ERMP1: variants seen among roughly 807,000 people sequenced by gnomAD.
ERMP1 encodes endoplasmic reticulum metallopeptidase 1.
ERMP1 carries 86 observed loss-of-function variants against 92.0 expected under a neutral mutation model. The ratio of observed to expected loss-of-function variants is 0.93; its 90% CI spans 0.79 to 1.12. The LOEUF is 1.12. Ranked by LOEUF, ERMP1 falls within the 50% of genes most tolerant of loss-of-function variation. The pLI, the probability that ERMP1 is intolerant of heterozygous loss-of-function variation, is 0.00. For synonymous variants in ERMP1, 530 were observed against 412.8 expected, an observed-to-expected ratio of 1.28 and a Z score of -3.44; for missense variants, 1,342 against 1,116.3, an observed-to-expected ratio of 1.20 and a Z score of -2.88.
At chr9:5,795,361 T>C (rs1226501718) in intron 13 of ERMP1, among the ~76,000 whole-genome samples, 2 of 152,162 alleles carry the variant, frequency 1.3e-5, no homozygotes, top group Non-Finnish European at 2.9e-5. Context: ...TCACAACGCC[T>C]TGTCAAAATC....
chr9:5,866,448 G>A (rs563408607), intron 5 of ERMP1, among the ~76,000 whole-genome samples: 1 of 152,292 alleles, frequency 6.6e-6, no homozygotes, highest in African/African-American at 2.4e-5. Flanking sequence ...CAGCCTGGGG[G>A]CTGTGCGAGA....
intron 5 of ERMP1, among the ~76,000 whole-genome samples, chr9:5,863,685 C>A (rs576596841): frequency 6.6e-6 from 1 of 152,266 alleles, no homozygotes; most frequent in East Asian, 1.9e-4. Context: ...CTGGGTGGAG[C>A]TTCTTGGAGC....
At chr9:5,799,460 C>T (rs1045903456) in intron 11 of ERMP1, among the ~76,000 whole-genome samples, 3 of 151,958 alleles carry the variant, frequency 2.0e-5, no homozygotes, top group African/African-American at 4.8e-5. Flanking sequence ...GAAAAGGCAC[C>T]GTGCTCCATT....
intron 13 of ERMP1, among the ~76,000 whole-genome samples, chr9:5,791,033 C>T (rs1014685208): frequency 1.3e-5 from 2 of 152,006 alleles, no homozygotes; most frequent in Non-Finnish European, 2.9e-5. Flanking sequence ...TTTAAAAATA[C>T]TTTTCACTCA....
chr9:5,846,557 T>G (rs567998946), intron 6 of ERMP1, among the ~76,000 whole-genome samples: 4 of 152,352 alleles, frequency 2.6e-5, no homozygotes, highest in African/African-American at 9.6e-5. Flanking sequence ...AGATTCCTCT[T>G]GGGAACCTTG....
intron 5 of ERMP1, 92 bp from the exon 6 acceptor site, chr9:5,812,309 A>G: frequency 4.2e-6 from 3 of 718,356 alleles, no homozygotes; most frequent in South Asian, 3.8e-5. Flanking sequence ...CTAAAAGACA[A>G]AATGTCAAAG....
Position 5,832,621 on chromosome 9 carries a change from G to A in ERMP1, c.338+69C>T, listed in dbSNP as rs925823528. On this transcript the variant is annotated intron_variant, in intron 1 of 14. Coordinates refer to ENST00000339450, the MANE Select transcript of ERMP1 (RefSeq NM_024896.3). ...GGCAGGGGCGGGTGCACACAGGTGC[G>A]GTGCCCCGGAGCCTGCGCAGGAGCC... is the stretch of plus-strand genomic sequence containing the variant. The A allele has an allele frequency of 5.5e-5, 68 of 1,229,270 alleles. No individual in the cohort carries two copies. The African/African-American group carries it at 8.3e-4, about 15-fold the overall frequency. The allele number at this position is 1,229,270 out of a possible 1,614,324, so 76.1% of individuals were successfully genotyped here.
intron 13 of ERMP1, among the ~76,000 whole-genome samples, chr9:5,789,211 G>A (rs1287024598): frequency 6.6e-6 from 1 of 151,264 alleles, no homozygotes; most frequent in Non-Finnish European, 1.5e-5. Context: ...ACAACTTCAA[G>A]ACATAACCTA....
At position 5,805,163 on chromosome 9, in the gene ERMP1, A is replaced by C. The variant is rs769612809; in HGVS notation, c.1778T>G (p.Leu593Arg). 2 of 1,613,516 alleles carry C rather than the reference A, an allele frequency of 1.2e-6. No homozygotes were observed. The highest frequency in any genetic ancestry group is 1.7e-6 in the Non-Finnish European group (2 of 1,179,868). ...FYLLGMFIPY[L>R]YALYLIWAVF... Reference sequence around the variant, plus strand: ...TGCCCAGATGAGGTACAATGCATAAAGATAAGGAATAAACATCCCCAAAAG... The same window carrying C: ...TGCCCAGATGAGGTACAATGCATAACGATAAGGAATAAACATCCCCAAAAG... The change falls in exon 10 of 15, where the codon CTT becomes CGT. Residue 593 changes from leucine to arginine, a missense_variant. Coordinates refer to ENST00000339450, the MANE Select transcript of ERMP1 (RefSeq NM_024896.3).
intron 6 of ERMP1, among the ~76,000 whole-genome samples, chr9:5,850,439 GA>G (rs1219860636): frequency 2.2e-5 from 3 of 134,832 alleles, no homozygotes; most frequent in South Asian, 2.5e-4. Flanking sequence ...AGAAGAAGAA[GA>G]AAAAAAGAAA....
At chr9:5,792,864 A>G (rs1828258253) in intron 13 of ERMP1, among the ~76,000 whole-genome samples, 1 of 152,230 alleles carries the variant, frequency 6.6e-6, no homozygotes, top group South Asian at 2.1e-4. Context: ...ACAATATACA[A>G]TGCTCAATTA....
intron 13 of ERMP1, among the ~76,000 whole-genome samples, chr9:5,793,617 A>G (rs1332146541): frequency 6.6e-6 from 1 of 152,112 alleles, no homozygotes; most frequent in Non-Finnish European, 1.5e-5. Context: ...ATACCATGCT[A>G]ACACTAATCA....
At chr9:5,849,690 T>C (rs758260975) in intron 6 of ERMP1, among the ~76,000 whole-genome samples, 3 of 152,278 alleles carry the variant, frequency 2.0e-5, no homozygotes, top group Non-Finnish European at 4.4e-5. Context: ...CATGCTGTTA[T>C]AACAAGTTTA....
chr9:5,833,090 C>T lies in ERMP1; in HGVS notation c.-63G>A. 7.4e-7 allele frequency: 1 copy of T among 1,342,442 alleles called. No individual in the cohort carries two copies. The highest frequency in any genetic ancestry group is 9.6e-7 in the Non-Finnish European group (1 of 1,038,514). The allele number at this position is 1,342,442 out of a possible 1,614,324, so 83.2% of individuals were successfully genotyped here. ...CCGCGACAGCCCCGGCCGCCGCCGA[C>T]GCCGCCGTCGCTGCCGCAGCGCCTC... On this transcript the variant is annotated 5_prime_UTR_variant, in exon 1 of 15. Coordinates refer to ENST00000339450, the MANE Select transcript of ERMP1 (RefSeq NM_024896.3).
chr9:5,858,911 C>T (rs1224186649), intron 6 of ERMP1, among the ~76,000 whole-genome samples: 1 of 152,196 alleles, frequency 6.6e-6, no homozygotes, highest in African/African-American at 2.4e-5. Flanking sequence ...GTGGTTCCTT[C>T]CCCTCACTGA....
At chr9:5,832,143 A>G (rs956287021) in intron 1 of ERMP1, among the ~76,000 whole-genome samples, 14 of 152,144 alleles carry the variant, frequency 9.2e-5, no homozygotes, top group African/African-American at 3.1e-4. Context: ...GCCTAAAGAT[A>G]AACTGCAGGG....
At chr9:5,804,462 GGACT>G (rs1828794254) in intron 10 of ERMP1, among the ~76,000 whole-genome samples, 2 of 152,158 alleles carry the variant, frequency 1.3e-5, no homozygotes, top group African/African-American at 4.8e-5. Context: ...GGCAAAATGA[GGACT>G]GACAAGGCCT....
intron 4 of ERMP1, among the ~76,000 whole-genome samples, chr9:5,818,528 C>T (rs1554624322): frequency 6.6e-6 from 1 of 152,064 alleles, no homozygotes; most frequent in Non-Finnish European, 1.5e-5. Flanking sequence ...CCAGCCTGGG[C>T]AACACAGTGA....
intron 4 of ERMP1, among the ~76,000 whole-genome samples, chr9:5,815,288 C>T (rs1478759206): frequency 6.6e-6 from 1 of 152,036 alleles, no homozygotes; most frequent in Non-Finnish European, 1.5e-5. Context: ...ATGGCTGATT[C>T]CAGGTCTGGG....
Sources: allele counts gnomAD v4.1 joint callset (sites outside exome capture counted in the v4.1 genomes callset), GRCh38; gene constraint gnomAD v4.1.1; transcripts MANE v1.5; gene names NCBI Gene and HGNC (gene_info 2026-07-23, HGNC 2026-07-21).